CNTN4: variants seen among roughly 807,000 people sequenced by gnomAD.
CNTN4 encodes contactin 4, also known as contactin-4.
In CNTN4, 77 loss-of-function variants were observed where a neutral mutation model predicts 122.5. That is an observed-to-expected ratio of 0.63 (90% CI 0.52 to 0.76). The LOEUF (loss-of-function observed/expected upper bound fraction) is 0.76, where lower values mean the gene tolerates loss of function less well. CNTN4 is among the 30% of genes least tolerant of loss of function. CNTN4 has a pLI of 0.00. For missense variants in CNTN4, 1,256 were observed against 1,259.1 expected, an observed-to-expected ratio of 1.00 and a Z score of 0.04; for synonymous variants, 512 against 447.0, an observed-to-expected ratio of 1.15 and a Z score of -1.83.
chr3:2,913,204 T>C (rs1306965442), intron 12 of CNTN4, among the ~76,000 whole-genome samples: 1 of 151,998 alleles, frequency 6.6e-6, no homozygotes, highest in Non-Finnish European at 1.5e-5. Flanking sequence ...AATCGAGGAA[T>C]AAAAATCTCC....
At chr3:2,328,907 G>T (rs2043590895) in intron 2 of CNTN4, among the ~76,000 whole-genome samples, 1 of 151,988 alleles carries the variant, frequency 6.6e-6, no homozygotes, top group African/African-American at 2.4e-5. Flanking sequence ...CAAATCCTGG[G>T]CATGGGCATA....
chr3:3,057,103 T>C lies in CNTN4; in HGVS notation c.*883T>C, dbSNP rs1701850697. ...ACCAAGTCTTTCAAAGGATAAAAGA[T>C]CATTTTATTATCTTTAACTGTATCT... On this transcript the variant is annotated 3_prime_UTR_variant, in exon 25 of 25. Coordinates refer to ENST00000418658, the MANE Select transcript of CNTN4 (RefSeq NM_175607.3). 6.6e-6 allele frequency: 1 copy of C among 152,640 alleles called. No homozygotes were observed. The allele number at this position is 152,640 out of a possible 1,614,324, so 9.5% of individuals were successfully genotyped here.
intron 6 of CNTN4, among the ~76,000 whole-genome samples, chr3:2,777,671 A>C (rs572255109): frequency 1.4e-3 from 214 of 152,294 alleles, no homozygotes; most frequent in Non-Finnish European, 2.2e-3. Flanking sequence ...TTCTTGGTTT[A>C]TTTGGGAGGT....
At chr3:2,816,362 TAAA>T (rs942547179) in intron 6 of CNTN4, among the ~76,000 whole-genome samples, 1 of 148,330 alleles carries the variant, frequency 6.7e-6, no homozygotes, top group Non-Finnish European at 1.5e-5. Flanking sequence ...TCAAAAAAAA[TAAA>T]AAAAATAAAT....
rs116458206 is a variant in CNTN4 at position 2,122,815 on chromosome 3, C to T, written c.-145+22176C>T. Among the ~76,000 whole-genome samples the T allele has an allele frequency of 6.8e-3, 1,036 of 152,282 alleles. 14 individuals carry two copies. Among genetic ancestry groups the T allele is most frequent in the African/African-American group, 0.024 (985 of 41,556 alleles). ...AATCTGTCAACATTTGCAACTTTCA[C>T]GAAGCCTCACAAGTGATCGTGTACC... On this transcript the variant is annotated intron_variant, in intron 2 of 24. Coordinates refer to ENST00000418658, the MANE Select transcript of CNTN4 (RefSeq NM_175607.3).
intron 2 of CNTN4, among the ~76,000 whole-genome samples, chr3:2,185,477 CTCTTG>C (rs1351964343): frequency 7.4e-4 from 113 of 152,234 alleles, no homozygotes; most frequent in African/African-American, 2.6e-3. Context: ...GGGATTCGAG[CTCTTG>C]CTACCCCAGG....
intron 2 of CNTN4, among the ~76,000 whole-genome samples, chr3:2,130,182 CTTGT>C (rs977366036): frequency 5.3e-5 from 8 of 151,938 alleles, no homozygotes; most frequent in African/African-American, 1.4e-4. Context: ...CTCAACTTTT[CTTGT>C]TTATTTTAAA....
At chr3:2,146,003 T>G (rs903615173) in intron 2 of CNTN4, among the ~76,000 whole-genome samples, 18 of 152,016 alleles carry the variant, frequency 1.2e-4, no homozygotes, top group African/African-American at 4.1e-4. Flanking sequence ...TTTAATACTT[T>G]TATCTGAGAA....
intron 2 of CNTN4, among the ~76,000 whole-genome samples, chr3:2,292,654 T>A (rs1305500599): frequency 1.3e-5 from 2 of 152,216 alleles, no homozygotes; most frequent in African/African-American, 2.4e-5. Context: ...TAGAATTTCT[T>A]ATAAATAGAA....
chr3:2,444,087 T>C (rs895452701), intron 3 of CNTN4, among the ~76,000 whole-genome samples: 54 of 152,146 alleles, frequency 3.5e-4, no homozygotes, highest in African/African-American at 1.3e-3. Context: ...TGTATATATT[T>C]ACATGTTCTT....
At chr3:2,773,567 A>G (rs2091192986) in intron 6 of CNTN4, among the ~76,000 whole-genome samples, 1 of 152,062 alleles carries the variant, frequency 6.6e-6, no homozygotes, top group African/African-American at 2.4e-5. Context: ...GAGGAAGATG[A>G]GACTAGGTGT....
At chr3:2,205,523 T>C (rs1242675786) in intron 2 of CNTN4, among the ~76,000 whole-genome samples, 1 of 152,002 alleles carries the variant, frequency 6.6e-6, no homozygotes, top group Non-Finnish European at 1.5e-5. Context: ...CTGGAACTGG[T>C]TTGGGCCTCA....
rs1234100599 is a variant in CNTN4, at chr3:2,770,040, T to TA, written c.358+24343_358+24344insA. On this transcript the variant is annotated intron_variant, in intron 6 of 24. Transcript: ENST00000418658. ...TTTTGTTTGTTTGTTTGTTTGTTTT[T>TA]TTTTTTTGAGACGAAGTGTCACTCT... 3.4e-3 allele frequency among the ~76,000 whole-genome samples: 514 copies of TA among 149,746 alleles called. 3 individuals are homozygous for TA. Among genetic ancestry groups the TA allele is most frequent in the African/African-American group, 0.013 (501 of 39,810 alleles).
In CNTN4 at chr3:2,590,862, C is replaced by G. The variant is rs558604235; in HGVS notation, c.55+19304C>G. ...TAGATAGCACTGTATCATTTGTTTT[C>G]TCTTTTATTAAAAAAAAAAGCTGTA... On this transcript the variant is annotated intron_variant, in intron 4 of 24. Transcript: ENST00000418658. 2.6e-4 allele frequency among the ~76,000 whole-genome samples: 39 copies of G among 151,790 alleles called. 1 individual carries two copies. The highest frequency in any genetic ancestry group is 3.4e-3 in the Middle Eastern group (1 of 294).
At chr3:2,651,381 T>A (rs2083351120) in intron 4 of CNTN4, among the ~76,000 whole-genome samples, 1 of 152,198 alleles carries the variant, frequency 6.6e-6, no homozygotes, top group Non-Finnish European at 1.5e-5. Flanking sequence ...CCAAAAATAG[T>A]GTCAGTTCAC....
chr3:2,529,427 T>C (rs2077515556), intron 3 of CNTN4, among the ~76,000 whole-genome samples: 1 of 152,172 alleles, frequency 6.6e-6, no homozygotes, highest in African/African-American at 2.4e-5. Context: ...AGTGCAGACA[T>C]CTCTTTATAA....
At chr3:2,590,267 T>G (rs536431483) in intron 4 of CNTN4, among the ~76,000 whole-genome samples, 43 of 152,284 alleles carry the variant, frequency 2.8e-4, no homozygotes, top group Middle Eastern at 6.8e-3. Flanking sequence ...TTTTTGTTGT[T>G]TTGTTTTGAG....
intron 2 of CNTN4, among the ~76,000 whole-genome samples, chr3:2,332,305 C>G (rs569685026): frequency 6.6e-6 from 1 of 152,102 alleles, no homozygotes; most frequent in Non-Finnish European, 1.5e-5. Context: ...GAGATGTATT[C>G]TCTTCTCATT....
chr3:2,319,457 C>T (rs545135823), intron 2 of CNTN4, among the ~76,000 whole-genome samples: 46 of 152,148 alleles, frequency 3.0e-4, no homozygotes, highest in Non-Finnish European at 4.4e-4. Flanking sequence ...TTTCCTGCCT[C>T]GCCTTCCATC....
Sources: allele counts gnomAD v4.1 joint callset (sites outside exome capture counted in the v4.1 genomes callset), GRCh38; gene constraint gnomAD v4.1.1; transcripts MANE v1.5; gene names NCBI Gene and HGNC (gene_info 2026-07-23, HGNC 2026-07-21).